Variants in VNN1 observed in about 807,000 individuals in gnomAD.
The protein encoded by VNN1 is pantetheinase.
In VNN1, 29 loss-of-function variants were observed where a neutral mutation model predicts 41.9. That is an observed-to-expected ratio of 0.69 (90% CI 0.52 to 0.94). The LOEUF (loss-of-function observed/expected upper bound fraction) is 0.94, where lower values mean the gene tolerates loss of function less well. Ranked by LOEUF, VNN1 falls within the 40% of genes least tolerant of loss-of-function variation. The pLI is 0.00. For synonymous variants in VNN1, 233 were observed against 224.4 expected (o/e 1.04, Z -0.34); for missense variants, 637 against 621.1 (o/e 1.03, Z -0.27).
Position 132,693,298 on chromosome 6 carries a change from A to C in VNN1, c.552T>G (p.Gly184=). The C allele has an allele frequency of 1.2e-6, 2 of 1,603,362 alleles. No homozygotes were observed. Among genetic ancestry groups the C allele is most frequent in the Non-Finnish European group, 1.7e-6 (2 of 1,175,674 alleles). The change falls in exon 4 of 7, where the codon GGT becomes GGG. Residue 184 remains glycine, a synonymous_variant. Transcript: ENST00000367928. ...CCTTGGGTACATTGAATTGATTTTC[A>C]CCCATGAAAAGGTTTTGCTGCAATA... ...ARYHKQNLFM[G]ENQFNVPKEP...
intron 5 of VNN1, among the ~76,000 whole-genome samples, chr6:132,687,171 T>G (rs1348721606): frequency 6.6e-6 from 1 of 152,030 alleles, no homozygotes; most frequent in Non-Finnish European, 1.5e-5. Flanking sequence ...ATACAAAGAA[T>G]CAGGAATCAG....
At chr6:132,705,101 A>G (rs920488016) in intron 2 of VNN1, among the ~76,000 whole-genome samples, 3 of 152,120 alleles carry the variant, frequency 2.0e-5, no homozygotes, top group African/African-American at 7.2e-5. Flanking sequence ...TTACCAAACA[A>G]TTAAAGAACT....
rs201626491 is a variant in VNN1 at position 132,711,875 on chromosome 6, G to C, written c.211-36C>G. On this transcript the variant is annotated intron_variant, in intron 1 of 6. Transcript: ENST00000367928. ...TGCAACTTAATCCAAAGGGGGGCCTGCAAGAGGAGCTGAGGAGCTGAGTGG... is the reference window on the plus strand; with the variant it reads ...TGCAACTTAATCCAAAGGGGGGCCTCCAAGAGGAGCTGAGGAGCTGAGTGG... The C allele has an allele frequency of 6.2e-6, 10 of 1,609,348 alleles. No homozygotes were observed. The East Asian group carries it at 2.2e-4, about 36-fold the overall frequency.
intron 2 of VNN1, among the ~76,000 whole-genome samples, chr6:132,710,344 C>T (rs1778581481): frequency 1.3e-5 from 2 of 152,124 alleles, no homozygotes; most frequent in African/African-American, 4.8e-5. Context: ...GTCACCACAC[C>T]CAGCCAGTTT....
In VNN1 at chr6:132,692,435, G is replaced by A; in HGVS notation, c.976C>T (p.Leu326Phe). 6.2e-7 allele frequency: 1 copy of A among 1,614,108 alleles called. No homozygotes were observed. The highest frequency in any genetic ancestry group is 8.5e-7 in the Non-Finnish European group (1 of 1,180,024). The change falls in exon 5 of 7, where the codon CTC (leucine) becomes TTC (phenylalanine). Residue 326 changes from leucine (L) to phenylalanine (F), a missense_variant. Coordinates refer to ENST00000367928, the MANE Select transcript of VNN1 (RefSeq NM_004666.3). ...TTAAATTCCTTGTTTCCTGATGAGA[G>A]CGCTTCTATACTGCTGGCATAGGAA... ...WTSYASSIEA[L>F]SSGNKEFKGT... is the part of the protein sequence containing the mutation.
Position 132,711,767 on chromosome 6 carries a change from A to G in VNN1, c.283T>C (p.Tyr95His), listed in dbSNP as rs1778603710. The change falls in exon 2 of 7, where the codon TAT (tyrosine) becomes CAT (histidine). Residue 95 changes from tyrosine (Y) to histidine (H), a missense_variant. Coordinates refer to ENST00000367928, the MANE Select transcript of VNN1 (RefSeq NM_004666.3). ...WNFNRDSLYPYLEDIPDPEVN... is the reference protein window; with the variant it reads ...WNFNRDSLYPHLEDIPDPEVN... ...TCAGGGTCTGGGATGTCCTCCAAAT[A>G]TGGGTAGAGAGAGTCCCTGTTGAAG... 2 of 1,614,042 alleles carry G rather than the reference A, an allele frequency of 1.2e-6. No homozygotes were observed. The highest frequency in any genetic ancestry group is 1.3e-5 in the African/African-American group (1 of 75,058).
At chr6:132,709,251 A>G (rs146810635) in intron 2 of VNN1, among the ~76,000 whole-genome samples, 132 of 148,426 alleles carry the variant, frequency 8.9e-4, no homozygotes, top group African/African-American at 3.3e-3. Flanking sequence ...TTTTTAAAAC[A>G]TTTATTACCT....
At chr6:132,707,635 G>A (rs907897581) in intron 2 of VNN1, among the ~76,000 whole-genome samples, 1 of 152,198 alleles carries the variant, frequency 6.6e-6, no homozygotes, top group African/African-American at 2.4e-5. Context: ...GAGATCATTA[G>A]GTTATGTGAA....
At chr6:132,685,881 T>C (rs191598026) in intron 5 of VNN1, among the ~76,000 whole-genome samples, 4 of 152,268 alleles carry the variant, frequency 2.6e-5, no homozygotes, top group Admixed American at 1.3e-4. Flanking sequence ...GATGAAAGTT[T>C]AAGAGACATA....
intron 1 of VNN1, 146 bp from the exon 2 acceptor site, chr6:132,711,985 A>G: frequency 1.2e-6 from 1 of 815,602 alleles, no homozygotes; most frequent in Non-Finnish European, 1.7e-6. Context: ...TTCTTTTCCA[A>G]AGCATTTTAA....
At position 132,682,787 on chromosome 6, in the gene VNN1, A is replaced by C. The variant is rs956579960; in HGVS notation, c.*353T>G. ...AGCAGAGCTGAATAAGTGATACGTA[A>C]TATAATAAAAGTGGTAACAAGAGCA... is the stretch of plus-strand genomic sequence containing the variant. On this transcript the variant is annotated 3_prime_UTR_variant, in exon 7 of 7. Coordinates refer to ENST00000367928, the MANE Select transcript of VNN1 (RefSeq NM_004666.3). 4.4e-5 allele frequency: 7 copies of C among 158,702 alleles called. No homozygotes were observed. Among genetic ancestry groups the C allele is most frequent in the African/African-American group, 1.4e-4 (6 of 41,668 alleles). The allele number at this position is 158,702 out of a possible 1,614,324, so 9.8% of individuals were successfully genotyped here. A position where few individuals can be genotyped will look rare whatever the true frequency, so the allele number is the denominator to read the frequency against.
At chr6:132,691,776 C>A (rs548264216) in intron 5 of VNN1, among the ~76,000 whole-genome samples, 1 of 152,112 alleles carries the variant, frequency 6.6e-6, no homozygotes, top group Non-Finnish European at 1.5e-5. Context: ...GTGGGCGGAT[C>A]ACCTGAGCTC....
chr6:132,706,456 C>T lies in VNN1; in HGVS notation c.341+5253G>A, dbSNP rs187989561. 1.7e-4 allele frequency among the ~76,000 whole-genome samples: 26 copies of T among 152,150 alleles called. 1 individual carries two copies. Among genetic ancestry groups the T allele is most frequent in the African/African-American group, 4.6e-4 (19 of 41,510 alleles). On this transcript the variant is annotated intron_variant, in intron 2 of 6. Transcript: ENST00000367928. ...GCTGGGAAAACCAGATACCCATATG[C>T]GGAAGAATGAAAGTAGACCCCTATC...
rs770578537 is a variant in VNN1, at chr6:132,711,838, C to A, written c.212G>T (p.Gly71Val). 1 of 1,613,158 alleles carries A rather than the reference C, an allele frequency of 6.2e-7. No homozygotes were observed. Among genetic ancestry groups the A allele is most frequent in the Non-Finnish European group, 8.5e-7 (1 of 1,179,578 alleles). The part of the protein sequence containing the change: ...EGAITSAADQ[G>V]AHIIVTPEDA... ...TTCTGGAGTCACAATAATATGCGCACCCTGTTAAAAATGCAACTTAATCCA... is the reference window on the plus strand; with the variant it reads ...TTCTGGAGTCACAATAATATGCGCAACCTGTTAAAAATGCAACTTAATCCA... Residue 71 changes from glycine to valine, a missense_variant and splice_region_variant, in exon 2 of 7, where the codon GGT (glycine) becomes GTT (valine). Coordinates refer to ENST00000367928, the MANE Select transcript of VNN1 (RefSeq NM_004666.3).
In VNN1 at chr6:132,692,243, C is replaced by T. The variant is rs776293583; in HGVS notation, c.1168G>A (p.Glu390Lys). Residue 390 changes from glutamate (E) to lysine (K), a missense_variant, in exon 5 of 7, where the codon GAA (glutamate) becomes AAA (lysine). Coordinates refer to ENST00000367928, the MANE Select transcript of VNN1 (RefSeq NM_004666.3). ...ATTACCTGTAGATAATAGCGCCCTT[C>T]CACAGTGTGCAGTCCGTCAAATGCC... ...LGAFDGLHTVEGRYYLQICTL... is the reference protein window; with the variant it reads ...LGAFDGLHTVKGRYYLQICTL... The T allele has an allele frequency of 4.4e-6, 7 of 1,591,406 alleles. No individual in the cohort carries two copies. The South Asian group carries it at 8.0e-5, about 18-fold the overall frequency.
chr6:132,692,372 G>A lies in VNN1; in HGVS notation c.1039C>T (p.Leu347Phe), dbSNP rs765395862. The part of the protein sequence containing the change: ...VFFDEFTFVK[L>F]TGVAGNYTVC... ...GTATAATTTCCTGCAACTCCTGTGA[G>A]CTTCACAAAAGTGAATTCATCGAAA... The change falls in exon 5 of 7, where the codon CTC becomes TTC. Residue 347 changes from leucine to phenylalanine, a missense_variant. By Grantham distance (22) the Leu-to-Phe change is conservative. Transcript: ENST00000367928. The A allele has an allele frequency of 1.6e-5, 26 of 1,614,188 alleles. No homozygotes were observed. The highest frequency in any genetic ancestry group is 1.9e-5 in the Non-Finnish European group (22 of 1,180,020).
chr6:132,697,908 C>A (rs1439043670), intron 2 of VNN1, among the ~76,000 whole-genome samples: 1 of 152,166 alleles, frequency 6.6e-6, no homozygotes. Context: ...TACCCCCAGT[C>A]TTTTTGGATC....
At chr6:132,694,845 C>G (rs1167035320) in intron 2 of VNN1, among the ~76,000 whole-genome samples, 1 of 151,486 alleles carries the variant, frequency 6.6e-6, no homozygotes, top group African/African-American at 2.4e-5. Context: ...AGAGCAAAAC[C>G]CTGTCTCAAA....
intron 2 of VNN1, among the ~76,000 whole-genome samples, chr6:132,707,172 G>A (rs952305539): frequency 2.7e-5 from 4 of 149,720 alleles, no homozygotes; most frequent in African/African-American, 9.9e-5. Flanking sequence ...GTTGCAGTGA[G>A]CCAAGATGGC....
Sources: gnomAD v4.1 joint callset for allele counts (sites outside exome capture counted in the v4.1 genomes callset) on GRCh38, gnomAD v4.1.1 for gene constraint, MANE v1.5 for transcripts, NCBI Gene and HGNC (gene_info 2026-07-23, HGNC 2026-07-21) for gene names.